Variants in E2F3 observed in about 807,000 individuals in gnomAD.
E2F3 encodes the protein E2F transcription factor 3.
E2F3 carries 11 observed loss-of-function variants against 44.4 expected under a neutral mutation model. The observed-to-expected ratio is 0.25, with a 90% CI of 0.16 to 0.41. The LOEUF is 0.41. E2F3 is among the 10% of genes least tolerant of loss of function. The pLI is 1.00. For missense variants in E2F3, 487 were observed against 583.6 expected, an observed-to-expected ratio of 0.83 and a Z score of 1.70; for synonymous variants, 249 against 253.0, an observed-to-expected ratio of 0.98 and a Z score of 0.15.
At chr6:20,446,826 C>A (rs1384867702) in intron 1 of E2F3, among the ~76,000 whole-genome samples, 1 of 152,202 alleles carries the variant, frequency 6.6e-6, no homozygotes, top group Non-Finnish European at 1.5e-5. Flanking sequence ...ATCGGCCTCT[C>A]AAAGTGCCAG....
chr6:20,473,469 C>T (rs1176498187), intron 1 of E2F3, among the ~76,000 whole-genome samples: 2 of 152,176 alleles, frequency 1.3e-5, no homozygotes, highest in African/African-American at 4.8e-5. Flanking sequence ...AAACAGTTAA[C>T]ATGGTGCGTA....
In E2F3 at chr6:20,486,817, G is replaced by T; in HGVS notation, c.999+14G>T. 6.5e-7 allele frequency: 1 copy of T among 1,527,104 alleles called. No individual in the cohort carries two copies. Among genetic ancestry groups the T allele is most frequent in the Middle Eastern group, 1.7e-4 (1 of 5,818 alleles). 94.6% of individuals were successfully genotyped at this position (1,527,104 alleles called of 1,614,324 possible). The stretch of plus-strand genomic sequence containing the variant: ...GACTCAATAGAGGTAAGGAGACAGC[G>T]TCTTTGTTCATCTGCAAAGATCTTT... On this transcript the variant is annotated intron_variant, in intron 5 of 6. Transcript: ENST00000346618.
At chr6:20,489,224 A>G (rs1385974017) in intron 6 of E2F3, among the ~76,000 whole-genome samples, 2 of 152,220 alleles carry the variant, frequency 1.3e-5, no homozygotes, top group African/African-American at 4.8e-5. Flanking sequence ...ACAAAAGGCC[A>G]TCTTTCTTCA....
At chr6:20,470,045 C>T (rs771228821) in intron 1 of E2F3, among the ~76,000 whole-genome samples, 2 of 152,180 alleles carry the variant, frequency 1.3e-5, no homozygotes, top group Non-Finnish European at 2.9e-5. Flanking sequence ...CCTCACTACT[C>T]ACAAGCACCT....
intron 1 of E2F3, among the ~76,000 whole-genome samples, chr6:20,438,465 T>C (rs1460171840): frequency 3.3e-5 from 5 of 152,226 alleles, no homozygotes; most frequent in Non-Finnish European, 4.4e-5. Context: ...TTATCTCCGG[T>C]GCAGTTTGTC....
At chr6:20,487,310 A>G (rs1762423034) in intron 5 of E2F3, among the ~76,000 whole-genome samples, 1 of 152,200 alleles carries the variant, frequency 6.6e-6, no homozygotes, top group Admixed American at 6.5e-5. Flanking sequence ...CTAGACTACA[A>G]CTATAACATA....
intron 4 of E2F3, among the ~76,000 whole-genome samples, chr6:20,484,482 G>A (rs189330354): frequency 2.6e-5 from 4 of 152,278 alleles, no homozygotes; most frequent in Admixed American, 2.6e-4. Context: ...TTGTCATACA[G>A]CTTTTTGACA....
intron 1 of E2F3, among the ~76,000 whole-genome samples, chr6:20,455,435 T>C (rs949300538): frequency 1.3e-5 from 2 of 152,172 alleles, no homozygotes; most frequent in African/African-American, 4.8e-5. Context: ...CCTACAAAAG[T>C]GTCTGTTATC....
At chr6:20,455,370 G>A (rs1761275307) in intron 1 of E2F3, among the ~76,000 whole-genome samples, 1 of 152,168 alleles carries the variant, frequency 6.6e-6, no homozygotes, top group African/African-American at 2.4e-5. Context: ...TTTCCCACTT[G>A]GCTCTGTTTT....
chr6:20,426,495 G>A (rs1488383707), intron 1 of E2F3, among the ~76,000 whole-genome samples: 2 of 152,042 alleles, frequency 1.3e-5, no homozygotes, highest in Non-Finnish European at 2.9e-5. Context: ...GATTTATTTA[G>A]CACTTGCCGC....
chr6:20,466,062 C>A (rs761788203), intron 1 of E2F3, among the ~76,000 whole-genome samples: 9 of 151,664 alleles, frequency 5.9e-5, no homozygotes, highest in Non-Finnish European at 7.4e-5. Flanking sequence ...TACATTCCCA[C>A]CAGCAGTGTA....
chr6:20,420,250 G>A (rs1031240810), intron 1 of E2F3, among the ~76,000 whole-genome samples: 2 of 152,182 alleles, frequency 1.3e-5, no homozygotes, highest in African/African-American at 4.8e-5. Flanking sequence ...TATAAAGTGG[G>A]TGTGATTATT....
chr6:20,446,262 C>T (rs913816228), intron 1 of E2F3, among the ~76,000 whole-genome samples: 6 of 152,020 alleles, frequency 3.9e-5, no homozygotes, highest in Middle Eastern at 6.3e-3. Context: ...TTCTAGCTGA[C>T]GTTAAGTTTC....
At chr6:20,433,544 A>T (rs1442877153) in intron 1 of E2F3, among the ~76,000 whole-genome samples, 6 of 152,220 alleles carry the variant, frequency 3.9e-5, no homozygotes, top group Non-Finnish European at 8.8e-5. Context: ...ATCACATTAC[A>T]CTTGTTGCAG....
chr6:20,455,614 GA>G (rs1249523502), intron 1 of E2F3, among the ~76,000 whole-genome samples: 1 of 152,210 alleles, frequency 6.6e-6, no homozygotes, highest in African/African-American at 2.4e-5. Context: ...ATAGTTGGCT[GA>G]AGAGAGAGTC....
At chr6:20,435,764 ATAAAG>A (rs2127594553) in intron 1 of E2F3, among the ~76,000 whole-genome samples, 1 of 152,228 alleles carries the variant, frequency 6.6e-6, no homozygotes, top group East Asian at 1.9e-4. Context: ...AAATAAATAA[ATAAAG>A]TAAATTCATT....
In E2F3 at chr6:20,493,513, T is replaced by A. The variant is rs976283014; in HGVS notation, c.*3083T>A. On this transcript the variant is annotated 3_prime_UTR_variant, in exon 7 of 7. Transcript: ENST00000346618. ...TAGGCAAACTACTAATCAGTTTAGC[T>A]TTGTGTTGTATGCTAGTTTAAAAAA... 6 of 222,556 alleles carry A rather than the reference T, an allele frequency of 2.7e-5. No homozygotes were observed. Among genetic ancestry groups the A allele is most frequent in the Non-Finnish European group, 5.4e-5 (6 of 111,202 alleles). The allele number at this position is 222,556 out of a possible 1,614,324, so 13.8% of individuals were successfully genotyped here.
chr6:20,449,761 C>T (rs1761065636), intron 1 of E2F3, among the ~76,000 whole-genome samples: 5 of 152,182 alleles, frequency 3.3e-5, no homozygotes, highest in African/African-American at 1.2e-4. Context: ...TCCTGATCCT[C>T]TCCCTCCTCC....
intron 1 of E2F3, among the ~76,000 whole-genome samples, chr6:20,454,851 G>T (rs976874146): frequency 6.6e-6 from 1 of 152,158 alleles, no homozygotes; most frequent in African/African-American, 2.4e-5. Context: ...GCCAGCCAGG[G>T]TTCAGCTCAG....
Sources: allele counts gnomAD v4.1 joint callset (sites outside exome capture counted in the v4.1 genomes callset), GRCh38; gene constraint gnomAD v4.1.1; transcripts MANE v1.5; gene names NCBI Gene and HGNC (gene_info 2026-07-23, HGNC 2026-07-21).